NTN1: variants seen among roughly 807,000 people sequenced by gnomAD.
The protein encoded by NTN1 is netrin-1.
In NTN1, 11 loss-of-function variants were observed where a neutral mutation model predicts 54.2. That is an observed-to-expected ratio of 0.20 (90% confidence interval 0.13 to 0.34). NTN1 has a LOEUF of 0.34. Ranked by LOEUF, NTN1 falls within the 10% of genes least tolerant of loss-of-function variation. NTN1 has a pLI of 1.00. For missense variants in NTN1, 740 were observed against 893.1 expected, an observed-to-expected ratio of 0.83 and a Z score of 2.18; for synonymous variants, 371 against 382.0, an observed-to-expected ratio of 0.97 and a Z score of 0.33.
At chr17:9,160,976 C>T (rs1359272109) in intron 2 of NTN1, among the ~76,000 whole-genome samples, 1 of 152,158 alleles carries the variant, frequency 6.6e-6, no homozygotes, top group Non-Finnish European at 1.5e-5. Flanking sequence ...CAAAACAAAA[C>T]AAACCCAGCA....
intron 2 of NTN1, among the ~76,000 whole-genome samples, chr17:9,071,884 G>T (rs1177293415): frequency 2.6e-5 from 4 of 152,256 alleles, no homozygotes; most frequent in Non-Finnish European, 5.9e-5. Flanking sequence ...GGAGGCTGGG[G>T]TCTGACCAGG....
chr17:9,203,539 C>T (rs899004097), intron 5 of NTN1, among the ~76,000 whole-genome samples: 2 of 152,060 alleles, frequency 1.3e-5, no homozygotes, highest in African/African-American at 4.8e-5. Context: ...TGGCTAACCC[C>T]TGTAATCCCA....
chr17:9,054,576 C>T (rs2091972327), intron 2 of NTN1, among the ~76,000 whole-genome samples: 1 of 152,176 alleles, frequency 6.6e-6, no homozygotes, highest in Admixed American at 6.5e-5. Context: ...AAAAGGTGCC[C>T]TTATGAGGCA....
chr17:9,206,486 G>A (rs1904971880), intron 5 of NTN1, among the ~76,000 whole-genome samples: 1 of 152,180 alleles, frequency 6.6e-6, no homozygotes, highest in South Asian at 2.1e-4. Context: ...CGGGGGGAGG[G>A]GGCTGGGGCG....
intron 2 of NTN1, among the ~76,000 whole-genome samples, chr17:9,092,959 T>C (rs796729628): frequency 3.9e-5 from 6 of 152,234 alleles, no homozygotes; most frequent in South Asian, 2.1e-4. Flanking sequence ...GGGGTTTCAC[T>C]GCGTTAGCCA....
At chr17:9,041,323 T>C (rs185900699) in intron 2 of NTN1, among the ~76,000 whole-genome samples, 8 of 152,306 alleles carry the variant, frequency 5.3e-5, no homozygotes, top group African/African-American at 1.7e-4. Flanking sequence ...AAAAGGAGCT[T>C]TCTACGAATT....
intron 2 of NTN1, among the ~76,000 whole-genome samples, chr17:9,072,823 G>A (rs1208307036): frequency 6.6e-6 from 1 of 152,224 alleles, no homozygotes; most frequent in Non-Finnish European, 1.5e-5. Flanking sequence ...CGGAGGCCCC[G>A]TTTCTGGCAG....
At chr17:9,201,064 T>A (rs1904770405) in intron 5 of NTN1, among the ~76,000 whole-genome samples, 1 of 152,184 alleles carries the variant, frequency 6.6e-6, no homozygotes, top group African/African-American at 2.4e-5. Flanking sequence ...TTAGAACTAG[T>A]GGCATAGCTG....
Position 9,201,854 on chromosome 17 carries a change from G to A in NTN1, c.1411+18885G>A, listed in dbSNP as rs138246145. ...ATATGGAGCAGCAGTTAGAAATCCCGTGTCTGGGGAGTTCTTGGAGGGAGA... is the reference window on the plus strand; with the variant it reads ...ATATGGAGCAGCAGTTAGAAATCCCATGTCTGGGGAGTTCTTGGAGGGAGA... On this transcript the variant is annotated intron_variant, in intron 5 of 6. Coordinates refer to ENST00000173229, the MANE Select transcript of NTN1 (RefSeq NM_004822.3). Among the ~76,000 whole-genome samples, 248 of 151,828 alleles carry A rather than the reference G, an allele frequency of 1.6e-3. 1 individual carries two copies. The highest frequency in any genetic ancestry group is 2.7e-3 in the Non-Finnish European group (184 of 67,956).
At chr17:9,119,712 G>C (rs1467581873) in intron 2 of NTN1, among the ~76,000 whole-genome samples, 2 of 152,152 alleles carry the variant, frequency 1.3e-5, no homozygotes, top group Middle Eastern at 3.4e-3. Flanking sequence ...TGCCCAGGCT[G>C]GTCTCGAACT....
chr17:9,192,624 C>T (rs1904491826), intron 5 of NTN1, among the ~76,000 whole-genome samples: 2 of 152,068 alleles, frequency 1.3e-5, no homozygotes, highest in South Asian at 4.2e-4. Context: ...TACCTGGCCC[C>T]AAATGGTGAT....
chr17:9,038,417 GT>G (rs1456364439), intron 2 of NTN1, among the ~76,000 whole-genome samples: 1 of 151,988 alleles, frequency 6.6e-6, no homozygotes, highest in African/African-American at 2.4e-5. Flanking sequence ...TCTATCACTT[GT>G]TGGAATGTTA....
chr17:9,016,281 G>C, the NTN1 span, among the ~76,000 whole-genome samples: 1 of 152,022 alleles, frequency 6.6e-6, no homozygotes, highest in Non-Finnish European at 1.5e-5. Flanking sequence ...TAGAGCCCAG[G>C]TGGACAGCCC....
chr17:9,109,228 G>A (rs748813279), intron 2 of NTN1, among the ~76,000 whole-genome samples: 1 of 152,138 alleles, frequency 6.6e-6, no homozygotes, highest in Non-Finnish European at 1.5e-5. Flanking sequence ...ACATTGCCAA[G>A]TTTGAAATAC....
the NTN1 span, among the ~76,000 whole-genome samples, chr17:9,010,216 T>C: frequency 6.6e-6 from 1 of 152,200 alleles, no homozygotes. Context: ...TTATAAAGTC[T>C]TGTAAATGAA....
chr17:9,047,851 C>T (rs1240344145), intron 2 of NTN1, among the ~76,000 whole-genome samples: 11 of 152,076 alleles, frequency 7.2e-5, no homozygotes, highest in Middle Eastern at 3.4e-3. Flanking sequence ...ACTGCCACCA[C>T]GCCTGGCTAA....
chr17:9,042,077 C>G (rs2091923815), intron 2 of NTN1, among the ~76,000 whole-genome samples: 1 of 151,766 alleles, frequency 6.6e-6, no homozygotes, highest in African/African-American at 2.4e-5. Context: ...GGTTTTCAGG[C>G]AGTTATACTG....
At chr17:9,128,071 T>C (rs767307588) in intron 2 of NTN1, among the ~76,000 whole-genome samples, 1 of 150,974 alleles carries the variant, frequency 6.6e-6, no homozygotes, top group Non-Finnish European at 1.5e-5. Context: ...GAGCCGAGAT[T>C]GCGCCACTGC....
chr17:9,093,142 C>G (rs546833584), intron 2 of NTN1, among the ~76,000 whole-genome samples: 1 of 152,332 alleles, frequency 6.6e-6, no homozygotes, highest in African/African-American at 2.4e-5. Context: ...ATCTGCCCGT[C>G]TCGGCCTCCC....
Sources: gnomAD v4.1 joint callset for allele counts (sites outside exome capture counted in the v4.1 genomes callset) on GRCh38, gnomAD v4.1.1 for gene constraint, MANE v1.5 for transcripts, NCBI Gene and HGNC (gene_info 2026-07-23, HGNC 2026-07-21) for gene names.